Variants in AVIL observed in about 807,000 individuals in gnomAD.
AVIL encodes advillin.
AVIL carries 78 observed loss-of-function variants against 109.9 expected under a neutral mutation model. The observed-to-expected ratio is 0.71, with a 90% confidence interval of 0.59 to 0.86. The LOEUF (loss-of-function observed/expected upper bound fraction) is 0.86. Ranked by LOEUF, AVIL falls within the 40% of genes least tolerant of loss-of-function variation. AVIL has a pLI of 0.00. For missense variants in AVIL, 892 were observed against 1,016.5 expected, an observed-to-expected ratio of 0.88 and a Z score of 1.67; for synonymous variants, 367 against 379.1, an observed-to-expected ratio of 0.97 and a Z score of 0.37.
Position 57,800,003 on chromosome 12 carries a change from A to G in AVIL, c.2221-83T>C. Reference sequence around the variant, plus strand: ...CAGTTCTGAATGTGTATAATATTTAACATTTTGACTTATGCCACTTCACCC... The same window carrying G: ...CAGTTCTGAATGTGTATAATATTTAGCATTTTGACTTATGCCACTTCACCC... On this transcript the variant is annotated intron_variant, in intron 18 of 19. Coordinates refer to ENST00000549994, the MANE Select transcript of AVIL (RefSeq NM_006576.4). 6 of 1,532,342 alleles carry G rather than the reference A, an allele frequency of 3.9e-6. No individual in the cohort carries two copies. In the Admixed American group the frequency reaches 9.2e-5, roughly 23 times the overall value. 94.9% of individuals were successfully genotyped at this position (1,532,342 alleles called of 1,614,324 possible).
chr12:57,815,838 G>C, intron 2 of AVIL, 137 bp downstream of exon 2: 1 of 1,537,230 alleles, frequency 6.5e-7, no homozygotes, highest in Non-Finnish European at 8.8e-7. Context: ...TGGGAAATAG[G>C]TACTTTGATG....
rs933525999 is a variant in AVIL at position 57,814,198 on chromosome 12, C to T, written c.95G>A (p.Ser32Asn). 2 of 1,613,218 alleles carry T rather than the reference C, an allele frequency of 1.2e-6. No individual in the cohort carries two copies. The highest frequency in any genetic ancestry group is 3.3e-5 in the Admixed American group (2 of 59,958). Reference protein sequence around the residue: ...EKMELALVPVSAHGNFYEGDC... With the variant: ...EKMELALVPVNAHGNFYEGDC... ...CCCCTCATAGAAGTTGCCGTGGGCG[C>T]TCACAGGCACCAGCGCCAGCTCCAT... The change falls in exon 3 of 20, where the codon AGC (serine) becomes AAC (asparagine). Residue 32 changes from serine to asparagine, a missense_variant. Transcript: ENST00000549994.
chr12:57,815,877 C>A, intron 2 of AVIL, 98 bp downstream of exon 2: 1 of 1,585,568 alleles, frequency 6.3e-7, no homozygotes. Context: ...AAACCATAGG[C>A]TAAGGGGTGC....
chr12:57,817,612 G>A (rs1452718378), intron 1 of AVIL, among the ~76,000 whole-genome samples: 1 of 152,052 alleles, frequency 6.6e-6, no homozygotes, highest in Admixed American at 6.6e-5. Flanking sequence ...AAGGGGACAA[G>A]GGCCACTGAA....
chr12:57,805,959 C>T, intron 14 of AVIL: 1 of 177,852 alleles, frequency 5.6e-6, no homozygotes. Context: ...GCCTCAGCCT[C>T]CTGAGTAGCT....
At position 57,808,203 on chromosome 12, in the gene AVIL, T is replaced by C; in HGVS notation, c.1185A>G (p.Gly395=). ...AQERMVDDGN[G]KVEVWRIENL... ...GAATCATTGGGCTTACCTCAACTTT[T>C]CCGTTGCCATCATCGACCATTCTTT... The change falls in exon 11 of 20, where the codon GGA becomes GGG. Residue 395 remains glycine (G), a synonymous_variant. Coordinates refer to ENST00000549994, the MANE Select transcript of AVIL (RefSeq NM_006576.4). 8.1e-6 allele frequency: 13 copies of C among 1,614,172 alleles called. No individual in the cohort carries two copies. The highest frequency in any genetic ancestry group is 1.1e-5 in the Non-Finnish European group (13 of 1,180,006).
Position 57,813,272 on chromosome 12 carries a change from T to C in AVIL, c.293A>G (p.Tyr98Cys). The C allele has an allele frequency of 1.2e-6, 2 of 1,614,116 alleles. No homozygotes were observed. The highest frequency in any genetic ancestry group is 1.7e-6 in the Non-Finnish European group (2 of 1,180,018). ...GCCACGGAAAGTGTCTGACTCATGG[T>C]ACTGGACCTCTCGGTGCTGCACAGG... The part of the protein sequence containing the change: ...GSPVQHREVQ[Y>C]HESDTFRGYF... The change falls in exon 4 of 20, where the codon TAC (tyrosine) becomes TGC (cysteine). Residue 98 changes from tyrosine to cysteine, a missense_variant. Transcript: ENST00000549994.
chr12:57,814,273 C>A, intron 2 of AVIL, 47 bp from the exon 3 acceptor site: 2 of 1,555,838 alleles, frequency 1.3e-6, no homozygotes, highest in East Asian at 2.3e-5. Context: ...TCCCACCTCC[C>A]TTCCCCATGA....
At position 57,803,756 on chromosome 12, in the gene AVIL, G is replaced by T. The variant is rs1019185586; in HGVS notation, c.1672-87C>A. The T allele has an allele frequency of 2.6e-6, 4 of 1,522,596 alleles. No homozygotes were observed. In the South Asian group the frequency reaches 3.7e-5, roughly 14 times the overall value. 94.3% of individuals were successfully genotyped at this position (1,522,596 alleles called of 1,614,324 possible). On this transcript the variant is annotated intron_variant, in intron 14 of 19. Transcript: ENST00000549994. ...AAAAGCATCTGAGACTAATAACTCA[G>T]TGTGCCAGGATCAGCTACCAAACCA...
Position 57,799,930 on chromosome 12 carries a change from A to G in AVIL, c.2221-10T>C, listed in dbSNP as rs138140144. 4.4e-4 allele frequency: 707 copies of G among 1,614,056 alleles called. 9 individuals are homozygous for G. In the African/African-American group the frequency reaches 8.2e-3, roughly 19 times the overall value. ...TTGCATTCTTCATGTCCTAGGTAAG[A>G]TAAGAATGTAGGCACAGGGAAAAGA... On this transcript the variant is annotated splice_polypyrimidine_tract_variant and intron_variant, in intron 18 of 19. Coordinates refer to ENST00000549994, the MANE Select transcript of AVIL (RefSeq NM_006576.4).
At chr12:57,802,132 T>C (rs904433192) in intron 17 of AVIL, 28 bp downstream of exon 17, 2 of 1,610,300 alleles carry the variant, frequency 1.2e-6, no homozygotes, top group Admixed American at 1.7e-5. Context: ...TGGCAGGAAG[T>C]TAGAGCTTCC....
rs1955947424 is a variant in AVIL, at chr12:57,806,429, G to T, written c.1602C>A (p.Ala534=). The T allele has an allele frequency of 1.9e-6, 3 of 1,614,132 alleles. No individual in the cohort carries two copies. Among genetic ancestry groups the T allele is most frequent in the Non-Finnish European group, 2.5e-6 (3 of 1,180,030 alleles). The part of the protein sequence containing the change: ...NTKAVEVPAF[A]SSLNSNDVFL... Reference sequence around the variant, plus strand: ...AGACATCATTGGAGTTTAGGGAGGAGGCAAAGGCTGGAACTTCCACTGCTT... The same window carrying T: ...AGACATCATTGGAGTTTAGGGAGGATGCAAAGGCTGGAACTTCCACTGCTT... The change falls in exon 14 of 20, where the codon GCC becomes GCA. Residue 534 remains alanine, a synonymous_variant. Transcript: ENST00000549994.
At chr12:57,798,447 T>G (rs959134456) in intron 19 of AVIL, among the ~76,000 whole-genome samples, 1 of 152,190 alleles carries the variant, frequency 6.6e-6, no homozygotes, top group African/African-American at 2.4e-5. Context: ...ACTTAATGAT[T>G]TATTGAATAT....
intron 19 of AVIL, among the ~76,000 whole-genome samples, chr12:57,798,218 C>T (rs1221871153): frequency 6.6e-6 from 1 of 152,202 alleles, no homozygotes; most frequent in Non-Finnish European, 1.5e-5. Flanking sequence ...ACTGGATTCA[C>T]TGCTCTCACA....
chr12:57,801,367 A>C, intron 17 of AVIL, 155 bp from the exon 18 acceptor site: 1 of 584,268 alleles, frequency 1.7e-6, no homozygotes, highest in East Asian at 3.0e-5. Flanking sequence ...TTTTGGGTCC[A>C]TGCAGGCTTG....
Position 57,812,409 on chromosome 12 carries a change from T to TGGA in AVIL, c.338+815_338+817dup, listed in dbSNP as rs552963219. On this transcript the variant is annotated intron_variant, in intron 4 of 19. Coordinates refer to ENST00000549994, the MANE Select transcript of AVIL (RefSeq NM_006576.4). ...ATGGTGTCTTGCTGTGTTGCGGGGC[T>TGGA]GGAGGGCAGTGGCATGATCTCAGCT... is the stretch of plus-strand genomic sequence containing the variant. Among the ~76,000 whole-genome samples the TGGA allele has an allele frequency of 2.2e-3, 331 of 152,300 alleles. 6 individuals carry two copies. The highest frequency in any genetic ancestry group is 7.7e-3 in the African/African-American group (321 of 41,556).
Position 57,801,221 on chromosome 12 carries a change from AAG to A in AVIL, c.2152-11_2152-10del. The A allele has an allele frequency of 6.2e-7, 1 of 1,611,834 alleles. No homozygotes were observed. The highest frequency in any genetic ancestry group is 8.5e-7 in the Non-Finnish European group (1 of 1,178,456). On this transcript the variant is annotated splice_polypyrimidine_tract_variant and intron_variant, in intron 17 of 19. Coordinates refer to ENST00000549994, the MANE Select transcript of AVIL (RefSeq NM_006576.4). ...TCATATGTTTTTCCTGCCTGAGAAGAAGAGAGAGAAAACACAGGATGAGGTCT... is the reference window on the plus strand; with the variant it reads ...TCATATGTTTTTCCTGCCTGAGAAGAAGAGAGAAAACACAGGATGAGGTCT...
chr12:57,805,078 G>A (rs1285144421), intron 14 of AVIL, among the ~76,000 whole-genome samples: 1 of 151,954 alleles, frequency 6.6e-6, no homozygotes, highest in African/African-American at 2.4e-5. Context: ...TATTTTGAGA[G>A]GGAATCTTGC....
At chr12:57,800,957 AG>A (rs2140437346) in intron 18 of AVIL, among the ~76,000 whole-genome samples, 186 bp downstream of exon 18, 1 of 152,334 alleles carries the variant, frequency 6.6e-6, no homozygotes, top group South Asian at 2.1e-4. Flanking sequence ...TCTGGAAGTC[AG>A]GAAAATAAGG....
Sources: gnomAD v4.1 joint callset for allele counts (sites outside exome capture counted in the v4.1 genomes callset) on GRCh38, gnomAD v4.1.1 for gene constraint, MANE v1.5 for transcripts, NCBI Gene and HGNC (gene_info 2026-07-23, HGNC 2026-07-21) for gene names.